The following UBAP2L variants were observed in gnomAD, a reference collection of about 807,000 sequenced individuals.
UBAP2L encodes the protein ubiquitin-associated protein 2-like.
Under a neutral mutation model 130.6 loss-of-function variants are expected in UBAP2L, and 12 were observed. That is an observed-to-expected ratio of 0.09 (90% CI 0.06 to 0.15). The LOEUF (loss-of-function observed/expected upper bound fraction) is 0.15, where lower values mean the gene tolerates loss of function less well. Ranked by LOEUF, UBAP2L falls within the 10% of genes least tolerant of loss-of-function variation. The pLI, the probability that UBAP2L is intolerant of heterozygous loss-of-function variation, is 1.00. For missense variants in UBAP2L, 965 were observed against 1,332.5 expected, an observed-to-expected ratio of 0.72 and a Z score of 4.29; for synonymous variants, 503 against 524.7, an observed-to-expected ratio of 0.96 and a Z score of 0.57.
chr1:154,251,710 CTG>C (rs1677659398), intron 14 of UBAP2L, 57 bp downstream of exon 14: 3 of 1,592,260 alleles, frequency 1.9e-6, no homozygotes, highest in Admixed American at 3.5e-5. Context: ...CTTTTTTAAT[CTG>C]TGGGAGATTT....
In UBAP2L at chr1:154,261,711, G is replaced by A; in HGVS notation, c.2902+14G>A. On this transcript the variant is annotated intron_variant, in intron 24 of 26. Coordinates refer to ENST00000428931, the MANE Select transcript of UBAP2L (RefSeq NM_014847.4). ...GATACAACACTGGTAAGCTGACCTT[G>A]TCTCTGGCTCGGTGTTATCTGTGGG... 1.2e-6 allele frequency: 2 copies of A among 1,613,012 alleles called. No homozygotes were observed. Among genetic ancestry groups the A allele is most frequent in the Admixed American group, 3.3e-5 (2 of 59,968 alleles).
At chr1:154,220,237 A>T (rs1665425840), upstream of UBAP2L, 2 of 1,350,742 alleles carry the variant, frequency 1.5e-6, no homozygotes, top group African/African-American at 2.9e-5. Flanking sequence ...AAGCCCGGAT[A>T]GGCGCAGGTG....
At chr1:154,264,341 C>T (rs564031792) in intron 24 of UBAP2L, among the ~76,000 whole-genome samples, 1 of 152,222 alleles carries the variant, frequency 6.6e-6, no homozygotes, top group South Asian at 2.1e-4. Context: ...CCCTGCTGCC[C>T]ACGTGATTCT....
intron 1 of UBAP2L, among the ~76,000 whole-genome samples, chr1:154,223,523 AT>A (rs5777892): frequency 0.65 from 96,526 of 149,106 alleles, 31,801 homozygotes; most frequent in East Asian, 0.88. Flanking sequence ...TTGGTTAAAC[AT>A]TTTTTTTTTT....
intron 10 of UBAP2L, among the ~76,000 whole-genome samples, chr1:154,244,967 T>C (rs1674888911): frequency 7.3e-6 from 1 of 137,692 alleles, no homozygotes. Flanking sequence ...AGTCTCACTC[T>C]GTTGCCCAGG....
chr1:154,245,278 C>A (rs751537081), intron 10 of UBAP2L, among the ~76,000 whole-genome samples: 12 of 152,096 alleles, frequency 7.9e-5, no homozygotes, highest in Non-Finnish European at 1.8e-4. Flanking sequence ...GGGGCCCCAC[C>A]CTGGGCTACC....
chr1:154,223,597 C>G (rs1228273805), intron 1 of UBAP2L, among the ~76,000 whole-genome samples: 1 of 151,902 alleles, frequency 6.6e-6, no homozygotes, highest in Non-Finnish European at 1.5e-5. Context: ...GCAAATAATC[C>G]TTTCTAGCTT....
intron 22 of UBAP2L, among the ~76,000 whole-genome samples, chr1:154,260,292 G>A (rs3790614): frequency 0.1 from 15,578 of 152,208 alleles, 1,332 homozygotes; most frequent in East Asian, 0.44. Context: ...AGAATTGCTT[G>A]AGCCCAGGAG....
chr1:154,259,027 A>G lies in UBAP2L; in HGVS notation c.2493A>G (p.Pro831=), dbSNP rs774825218. ...TGCAGATGCTTCAGACAAGATTTCC[A>G]TTGGTGAGTATGTGGGATAGAGCTT... ...DDLQMLQTRF[P]LDYYSIPFPT... is the part of the protein sequence containing the mutation. The change falls in exon 21 of 27, where the codon CCA becomes CCG. Residue 831 remains proline, a synonymous_variant. Transcript: ENST00000428931. 1 of 1,613,710 alleles carries G rather than the reference A, an allele frequency of 6.2e-7. No individual in the cohort carries two copies. The highest frequency in any genetic ancestry group is 1.1e-5 in the South Asian group (1 of 91,052).
chr1:154,231,966 T>C (rs1296182247), intron 4 of UBAP2L, among the ~76,000 whole-genome samples: 1 of 152,206 alleles, frequency 6.6e-6, no homozygotes, highest in African/African-American at 2.4e-5. Context: ...GCCCATATTC[T>C]GAAAGTGATT....
At chr1:154,238,311 A>G (rs1018759149) in intron 8 of UBAP2L, among the ~76,000 whole-genome samples, 1 of 152,104 alleles carries the variant, frequency 6.6e-6, no homozygotes, top group Admixed American at 6.6e-5. Flanking sequence ...TTATAGTTTA[A>G]CTTACTATAC....
intron 24 of UBAP2L, among the ~76,000 whole-genome samples, chr1:154,265,990 T>A (rs1683119472): frequency 6.6e-6 from 1 of 152,186 alleles, no homozygotes; most frequent in African/African-American, 2.4e-5. Context: ...GCTCTGAGAA[T>A]GAGAGTGCCC....
intron 24 of UBAP2L, among the ~76,000 whole-genome samples, chr1:154,264,409 G>T (rs1682595566): frequency 6.6e-6 from 1 of 152,114 alleles, no homozygotes; most frequent in Non-Finnish European, 1.5e-5. Flanking sequence ...GAAAGCAAGA[G>T]AACTCTGTAG....
chr1:154,229,742 G>A (rs540683783), intron 4 of UBAP2L, among the ~76,000 whole-genome samples: 1 of 152,294 alleles, frequency 6.6e-6, no homozygotes, highest in Non-Finnish European at 1.5e-5. Flanking sequence ...GGGATTATGG[G>A]CATGAGCCAC....
At chr1:154,220,375 C>A, upstream of UBAP2L, 1 of 1,614,260 alleles carries the variant, frequency 6.2e-7, no homozygotes, top group Non-Finnish European at 8.5e-7. Context: ...GCACGACATT[C>A]ACCCCGGAGA....
chr1:154,250,228 T>C (rs1677063497), intron 12 of UBAP2L, among the ~76,000 whole-genome samples: 1 of 152,124 alleles, frequency 6.6e-6, no homozygotes, highest in African/African-American at 2.4e-5. Context: ...CTGGCTAATT[T>C]TTAATTTTTT....
rs907085540 is a variant in UBAP2L at position 154,270,418 on chromosome 1, C to T, written c.*123C>T. ...CCGCTGCCCCCCACCCCCAGCGGCCCACCCCATGCCTCAGCTTCATGTCTG... is the reference window on the plus strand; with the variant it reads ...CCGCTGCCCCCCACCCCCAGCGGCCTACCCCATGCCTCAGCTTCATGTCTG... On this transcript the variant is annotated 3_prime_UTR_variant, in exon 27 of 27. Coordinates refer to ENST00000428931, the MANE Select transcript of UBAP2L (RefSeq NM_014847.4). 6.6e-7 allele frequency: 1 copy of T among 1,521,464 alleles called. No homozygotes were observed. Among genetic ancestry groups the T allele is most frequent in the Non-Finnish European group, 8.8e-7 (1 of 1,132,606 alleles). The allele number at this position is 1,521,464 out of a possible 1,614,324, so 94.2% of individuals were successfully genotyped here.
chr1:154,243,475 T>C (rs1361825461), intron 10 of UBAP2L, among the ~76,000 whole-genome samples, 173 bp downstream of exon 10: 1 of 152,204 alleles, frequency 6.6e-6, no homozygotes, highest in Non-Finnish European at 1.5e-5. Context: ...TTTTTTTTGT[T>C]TTTGAGACAG....
chr1:154,228,412 C>T (rs545242165), intron 3 of UBAP2L, among the ~76,000 whole-genome samples: 28 of 152,284 alleles, frequency 1.8e-4, no homozygotes, highest in African/African-American at 6.5e-4. Context: ...GTCTCAAACT[C>T]CTGACCTCAG....
Sources: allele counts gnomAD v4.1 joint callset (sites outside exome capture counted in the v4.1 genomes callset), GRCh38; gene constraint gnomAD v4.1.1; transcripts MANE v1.5; gene names NCBI Gene and HGNC (gene_info 2026-07-23, HGNC 2026-07-21).